PRDM9: variants seen among roughly 807,000 people sequenced by gnomAD.
PRDM9 encodes the protein PR/SET domain 9.
PRDM9 carries 47 observed loss-of-function variants against 55.6 expected under a neutral mutation model. The observed-to-expected ratio is 0.85, with a 90% confidence interval of 0.67 to 1.08. PRDM9 has a LOEUF of 1.08. Among genes scored for constraint, PRDM9 ranks in the 50% least tolerant of loss-of-function variants. The pLI is 0.00. For synonymous variants in PRDM9, 312 were observed against 375.7 expected (o/e 0.83, Z 1.96); for missense variants, 867 against 1,040.3 (o/e 0.83, Z 2.29).
chr5:23,519,048 T>A (rs1388365656), intron 5 of PRDM9, among the ~76,000 whole-genome samples: 4 of 152,234 alleles, frequency 2.6e-5, no homozygotes, highest in Non-Finnish European at 4.4e-5. Flanking sequence ...CATTTGTTTG[T>A]TATTTTTCTG....
chr5:23,511,953 A>G (rs1000956862), intron 4 of PRDM9, among the ~76,000 whole-genome samples: 1 of 151,778 alleles, frequency 6.6e-6, no homozygotes, highest in African/African-American at 2.4e-5. Context: ...ATTGTTTTCT[A>G]TATGTTTAAA....
chr5:23,510,499 A>G (rs780422209), intron 4 of PRDM9, among the ~76,000 whole-genome samples: 2 of 151,686 alleles, frequency 1.3e-5, no homozygotes, highest in African/African-American at 4.8e-5. Context: ...CTGGGACTAC[A>G]GATGTGCACC....
At chr5:23,514,132 T>A (rs1739154333) in intron 4 of PRDM9, among the ~76,000 whole-genome samples, 1 of 152,378 alleles carries the variant, frequency 6.6e-6, no homozygotes, top group African/African-American at 2.4e-5. Flanking sequence ...CATATTTTTA[T>A]ATGCTTCTTA....
At position 23,511,337 on chromosome 5, in the gene PRDM9, G is replaced by T. The variant is rs553938729; in HGVS notation, c.301+1310G>T. On this transcript the variant is annotated intron_variant, in intron 4 of 10. Coordinates refer to ENST00000296682, the MANE Select transcript of PRDM9 (RefSeq NM_020227.4). ...TCATATAACGTTTGTTTGTTTGTTT[G>T]TTGTTTTTGTTTTTGTTTTTGTTTT... Among the ~76,000 whole-genome samples, 3 of 151,156 alleles carry T rather than the reference G, an allele frequency of 2.0e-5. 1 individual carries two copies. The South Asian group carries it at 6.2e-4, about 31-fold the overall frequency.
At chr5:23,518,261 A>G (rs1198382223) in intron 5 of PRDM9, among the ~76,000 whole-genome samples, 1 of 152,252 alleles carries the variant, frequency 6.6e-6, no homozygotes, top group Non-Finnish European at 1.5e-5. Context: ...AAACTGAGGT[A>G]TAAAAATGTT....
Position 23,522,338 on chromosome 5 carries a change from T to C in PRDM9, c.543T>C (p.Tyr181=), listed in dbSNP as rs756473118. Residue 181 remains tyrosine, a synonymous_variant, in exon 7 of 11, where the codon TAT becomes TAC. Transcript: ENST00000296682. The part of the protein sequence containing the change: ...LRKKETERKM[Y]SLRERKGHAY... ...AGAAGGAGACTGAAAGAAAGATGTA[T>C]AGCCTGCGAGAAAGAAAGGGTCATG... 30 of 1,613,950 alleles carry C rather than the reference T, an allele frequency of 1.9e-5. No homozygotes were observed. The highest frequency in any genetic ancestry group is 2.4e-5 in the Non-Finnish European group (28 of 1,179,982).
In PRDM9 at chr5:23,524,650, G is replaced by T; in HGVS notation, c.1144+123G>T. ...AAAGTCAGTAAGATTTCAAATCAGT[G>T]GCTTCCAAAATTAAACATTCATGTT... On this transcript the variant is annotated intron_variant, in intron 10 of 10. Transcript: ENST00000296682. 2.1e-6 allele frequency: 3 copies of T among 1,396,080 alleles called. No individual in the cohort carries two copies. In the South Asian group the frequency reaches 3.8e-5, roughly 18 times the overall value. The allele number at this position is 1,396,080 out of a possible 1,614,324, so 86.5% of individuals were successfully genotyped here.
chr5:23,521,505 T>G (rs1463591748), intron 6 of PRDM9, among the ~76,000 whole-genome samples: 2 of 152,060 alleles, frequency 1.3e-5, no homozygotes, highest in African/African-American at 2.4e-5. Flanking sequence ...GCCCGGCTGA[T>G]TTTTGTATTT....
At chr5:23,518,219 ATGT>A (rs1213014987) in intron 5 of PRDM9, among the ~76,000 whole-genome samples, 2 of 152,228 alleles carry the variant, frequency 1.3e-5, no homozygotes, top group Non-Finnish European at 2.9e-5. Flanking sequence ...TATTAAGTAG[ATGT>A]TGTAACTATA....
intron 4 of PRDM9, among the ~76,000 whole-genome samples, chr5:23,516,912 G>T (rs1374239763): frequency 3.3e-5 from 5 of 149,562 alleles, no homozygotes; most frequent in Admixed American, 2.0e-4. Flanking sequence ...GCCAAGATGG[G>T]CAGATCACGA....
At chr5:23,513,735 C>T (rs540108020) in intron 4 of PRDM9, among the ~76,000 whole-genome samples, 10 of 151,958 alleles carry the variant, frequency 6.6e-5, no homozygotes, top group African/African-American at 1.4e-4. Flanking sequence ...CAAAATTAGC[C>T]GGGCATAGTG....
intron 10 of PRDM9, 125 bp downstream of exon 10, chr5:23,524,652 C>T: frequency 7.3e-7 from 1 of 1,370,718 alleles, no homozygotes; most frequent in Non-Finnish European, 1.0e-6. Flanking sequence ...AAATCAGTGG[C>T]TTCCAAAATT....
intron 10 of PRDM9, 57 bp from the exon 11 acceptor site, chr5:23,526,176 C>T (rs1037419400): frequency 6.6e-7 from 1 of 1,526,214 alleles, no homozygotes; most frequent in African/African-American, 1.4e-5. Context: ...TTCATACCTT[C>T]ATATGTGGTA....
intron 6 of PRDM9, 67 bp downstream of exon 6, chr5:23,521,246 C>A: frequency 1.3e-6 from 2 of 1,585,316 alleles, no homozygotes; most frequent in South Asian, 2.2e-5. Flanking sequence ...TGAGTATGGT[C>A]TACCTATGTG....
At chr5:23,514,762 T>G (rs543407608) in intron 4 of PRDM9, among the ~76,000 whole-genome samples, 1 of 152,038 alleles carries the variant, frequency 6.6e-6, no homozygotes, top group African/African-American at 2.4e-5. Context: ...AATGCCATCC[T>G]AAGGGTCCCA....
intron 9 of PRDM9, among the ~76,000 whole-genome samples, 186 bp downstream of exon 9, chr5:23,523,544 ATT>A (rs1241606650): frequency 6.6e-6 from 1 of 152,232 alleles, no homozygotes; most frequent in Non-Finnish European, 1.5e-5. Flanking sequence ...ATTATGATTT[ATT>A]GGTATCAAAA....
chr5:23,516,521 C>A (rs539532219), intron 4 of PRDM9, among the ~76,000 whole-genome samples: 6 of 149,572 alleles, frequency 4.0e-5, no homozygotes, highest in African/African-American at 1.5e-4. Context: ...TACAGGCGCC[C>A]GCCACCATGC....
intron 4 of PRDM9, 37 bp downstream of exon 4, chr5:23,510,064 T>C (rs1739061135): frequency 1.3e-6 from 2 of 1,575,662 alleles, no homozygotes; most frequent in Non-Finnish European, 1.7e-6. Flanking sequence ...TTTTTTTTTT[T>C]TTTTTTTGAG....
intron 10 of PRDM9, 22 bp downstream of exon 10, chr5:23,524,549 T>G (rs1295277585): frequency 6.2e-7 from 1 of 1,613,032 alleles, no homozygotes; most frequent in Non-Finnish European, 8.5e-7. Flanking sequence ...TATTACTCTT[T>G]TAAAAGGACA....
Sources: gnomAD v4.1 joint callset for allele counts (sites outside exome capture counted in the v4.1 genomes callset) on GRCh38, gnomAD v4.1.1 for gene constraint, MANE v1.5 for transcripts, NCBI Gene and HGNC (gene_info 2026-07-23, HGNC 2026-07-21) for gene names.